The following ANKHD1 variants were observed in gnomAD, a reference collection of about 807,000 sequenced individuals.
The protein encoded by ANKHD1 is ankyrin repeat and KH domain containing 1.
A neutral mutation model predicts 230.5 loss-of-function variants in ANKHD1; 31 were observed. The ratio of observed to expected loss-of-function variants is 0.13; its 90% CI spans 0.10 to 0.18. The LOEUF (loss-of-function observed/expected upper bound fraction) is 0.18. ANKHD1 is among the 10% of genes least tolerant of loss of function. The pLI, the probability that ANKHD1 is intolerant of heterozygous loss-of-function variation, is 1.00. For missense variants in ANKHD1, 2,256 were observed against 3,071.3 expected, an observed-to-expected ratio of 0.73 and a Z score of 6.27; for synonymous variants, 1,074 against 1,117.6, an observed-to-expected ratio of 0.96 and a Z score of 0.78.
intron 24 of ANKHD1, among the ~76,000 whole-genome samples, chr5:140,521,168 A>G (rs1207247693): frequency 7.2e-5 from 11 of 152,218 alleles, no homozygotes; most frequent in Admixed American, 3.9e-4. Context: ...AATTAAAGGA[A>G]GAGAAAAAGT....
intron 10 of ANKHD1, among the ~76,000 whole-genome samples, chr5:140,474,614 T>C (rs1750864532): frequency 6.7e-6 from 1 of 149,020 alleles, no homozygotes; most frequent in South Asian, 2.1e-4. Context: ...TTTTTTTTTT[T>C]TGGAGATGGT....
At chr5:140,535,675 G>GA (rs1754035129) in intron 30 of ANKHD1, 137 bp downstream of exon 30, 4 of 1,198,922 alleles carry the variant, frequency 3.3e-6, no homozygotes, top group African/African-American at 1.6e-5. Context: ...GTGGTCATGT[G>GA]AAAAAATTGT....
At chr5:140,484,702 G>A (rs1751428816) in intron 11 of ANKHD1, 1 of 153,004 alleles carries the variant, frequency 6.5e-6, no homozygotes, top group African/African-American at 2.4e-5. Flanking sequence ...TTTTAAAAGT[G>A]ATATTGAATG....
At chr5:140,461,140 A>G (rs1457780704) in intron 9 of ANKHD1, among the ~76,000 whole-genome samples, 1 of 152,138 alleles carries the variant, frequency 6.6e-6, no homozygotes, top group African/African-American at 2.4e-5. Flanking sequence ...ATCTCTATTA[A>G]TTGCCACTGG....
chr5:140,485,432 G>C lies in ANKHD1; in HGVS notation c.1999-157G>C, dbSNP rs544919490. Among the ~76,000 whole-genome samples the C allele has an allele frequency of 1.8e-5, 1 of 54,202 alleles. No homozygotes were observed. Among genetic ancestry groups the C allele is most frequent in the Non-Finnish European group, 4.4e-5 (1 of 22,878 alleles). 35.6% of individuals were successfully genotyped at this position (54,202 alleles called of 152,430 possible). ...CACACACACACACACACACACGTAT[G>C]TATGTGTATATATATATAAATAATA... On this transcript the variant is annotated intron_variant, in intron 12 of 33. Transcript: ENST00000360839. This position sits in a 1 kb window ranked among gnomAD's most constrained non-coding sequence, Gnocchi z 4.8.
chr5:140,475,926 T>A (rs1027314572), intron 10 of ANKHD1, among the ~76,000 whole-genome samples: 2 of 152,174 alleles, frequency 1.3e-5, no homozygotes, highest in Non-Finnish European at 2.9e-5. Flanking sequence ...AAGCAAAATA[T>A]AATACACTCA....
At chr5:140,536,086 TATTGATTG>T (rs199726164) in intron 30 of ANKHD1, among the ~76,000 whole-genome samples, 1,580 of 152,200 alleles carry the variant, frequency 0.01, 74 homozygotes, top group Admixed American at 0.086. Context: ...TCCTTTGTTC[TATTGATTG>T]ATTGATTGAT....
intron 6 of ANKHD1, among the ~76,000 whole-genome samples, chr5:140,447,736 GT>G (rs1456572286): frequency 6.6e-6 from 1 of 152,130 alleles, no homozygotes; most frequent in Non-Finnish European, 1.5e-5. Context: ...TATCCACAAG[GT>G]TACAATAAAC....
chr5:140,434,564 T>G (rs1384002380), intron 1 of ANKHD1, among the ~76,000 whole-genome samples: 1 of 151,694 alleles, frequency 6.6e-6, no homozygotes, highest in East Asian at 1.9e-4. Context: ...ATGTTCATAT[T>G]TACATATATA....
chr5:140,512,722 A>G, intron 22 of ANKHD1, 106 bp from the exon 23 acceptor site: 5 of 1,054,694 alleles, frequency 4.7e-6, no homozygotes, highest in Admixed American at 6.4e-5. Flanking sequence ...TATATGCAAA[A>G]TCAAGGGATT....
At chr5:140,482,121 TC>T (rs1751306694) in intron 10 of ANKHD1, among the ~76,000 whole-genome samples, 1 of 152,144 alleles carries the variant, frequency 6.6e-6, no homozygotes. Flanking sequence ...TCTTCATTTT[TC>T]CGTTACTCCT....
At chr5:140,520,242 C>G (rs2127075727) in intron 24 of ANKHD1, among the ~76,000 whole-genome samples, 1 of 152,274 alleles carries the variant, frequency 6.6e-6, no homozygotes, top group African/African-American at 2.4e-5. Context: ...CCATCTCACA[C>G]CAGTTAGAAT....
At chr5:140,505,088 A>T (rs1186361030) in intron 16 of ANKHD1, 34 bp from the exon 17 acceptor site, 2 of 1,604,610 alleles carry the variant, frequency 1.2e-6, no homozygotes, top group Non-Finnish European at 1.7e-6. Context: ...ACTTCTGTTA[A>T]AAAAAATTTT....
intron 7 of ANKHD1, among the ~76,000 whole-genome samples, chr5:140,452,818 C>A (rs1222961850): frequency 6.6e-6 from 1 of 152,158 alleles, no homozygotes; most frequent in Non-Finnish European, 1.5e-5. Context: ...CAACTCTCCC[C>A]CTCCAAAGGA....
intron 7 of ANKHD1, among the ~76,000 whole-genome samples, chr5:140,454,320 AG>A (rs1561747020): frequency 6.6e-6 from 1 of 152,088 alleles, no homozygotes; most frequent in African/African-American, 2.4e-5. Context: ...AAAGTTAACA[AG>A]GGATATCCAG....
chr5:140,500,346 CT>C (rs1328087354), intron 15 of ANKHD1, among the ~76,000 whole-genome samples: 2 of 151,976 alleles, frequency 1.3e-5, no homozygotes, highest in Non-Finnish European at 2.9e-5. Flanking sequence ...CTCTATTTTT[CT>C]GTTGAAAAAC....
chr5:140,484,513 T>G (rs1329419524), intron 11 of ANKHD1, among the ~76,000 whole-genome samples: 2 of 152,232 alleles, frequency 1.3e-5, no homozygotes, highest in Admixed American at 6.5e-5. Context: ...TGAAGAATTA[T>G]ATATCTCTTA....
chr5:140,448,418 A>C (rs1247151129), intron 6 of ANKHD1, among the ~76,000 whole-genome samples: 1 of 152,172 alleles, frequency 6.6e-6, no homozygotes, highest in African/African-American at 2.4e-5. Context: ...TTGCTGGGTC[A>C]AAGGGTATGG....
chr5:140,537,943 T>G, intron 31 of ANKHD1, 143 bp from the exon 32 acceptor site: 1 of 1,336,174 alleles, frequency 7.5e-7, no homozygotes, highest in Non-Finnish European at 9.8e-7. Context: ...TTTTTTTGGC[T>G]AGCAAGACTG....
Sources: allele counts gnomAD v4.1 joint callset (sites outside exome capture counted in the v4.1 genomes callset), GRCh38; gene constraint gnomAD v4.1.1; non-coding constraint Gnocchi (gnomAD v3.1); transcripts MANE v1.5; gene names NCBI Gene and HGNC (gene_info 2026-07-23, HGNC 2026-07-21).